NPR3: variants seen among roughly 807,000 people sequenced by gnomAD.
The protein encoded by NPR3 is atrial natriuretic peptide receptor 3.
Under a neutral mutation model 54.5 loss-of-function variants are expected in NPR3, and 34 were observed. The ratio of observed to expected loss-of-function variants is 0.62; its 90% confidence interval spans 0.47 to 0.83. NPR3 has a LOEUF of 0.83. Ranked by LOEUF, NPR3 falls within the 40% of genes least tolerant of loss-of-function variation. The pLI is 0.00. For synonymous variants in NPR3, 289 were observed against 297.1 expected (o/e 0.97, Z 0.28); for missense variants, 674 against 720.8 (o/e 0.94, Z 0.74).
intron 3 of NPR3, among the ~76,000 whole-genome samples, chr5:32,769,695 C>T (rs990482710): frequency 2.0e-5 from 3 of 152,204 alleles, no homozygotes; most frequent in East Asian, 1.9e-4. Flanking sequence ...CCAGGACAGC[C>T]TAGCTAAGCA....
At chr5:32,778,743 C>T (rs756733748) in intron 4 of NPR3, among the ~76,000 whole-genome samples, 8 of 152,192 alleles carry the variant, frequency 5.3e-5, no homozygotes, top group South Asian at 2.1e-4. Flanking sequence ...TAATTGGCCA[C>T]GCTGAGGATT....
chr5:32,691,562 C>T (rs1740388819), intron 1 of NPR3, among the ~76,000 whole-genome samples: 1 of 152,218 alleles, frequency 6.6e-6, no homozygotes, highest in South Asian at 2.1e-4. Context: ...AATGAAGACA[C>T]ACCTGAAAGG....
At chr5:32,771,487 C>T (rs1741758454) in intron 3 of NPR3, among the ~76,000 whole-genome samples, 1 of 152,214 alleles carries the variant, frequency 6.6e-6, no homozygotes, top group Admixed American at 6.5e-5. Flanking sequence ...CGTAATCTTT[C>T]TTCCTATCCT....
chr5:32,753,074 A>G (rs1354266988), intron 3 of NPR3, among the ~76,000 whole-genome samples: 2 of 152,226 alleles, frequency 1.3e-5, no homozygotes, highest in Non-Finnish European at 2.9e-5. Flanking sequence ...CAAAAATACT[A>G]TTGAAGTGGT....
chr5:32,762,798 G>A (rs1022962207), intron 3 of NPR3, among the ~76,000 whole-genome samples: 4 of 152,130 alleles, frequency 2.6e-5, no homozygotes, highest in Non-Finnish European at 5.9e-5. Context: ...TCACTCTGAT[G>A]ATAGTTTCTT....
chr5:32,713,307 T>C, intron 1 of NPR3: 4 of 985,414 alleles, frequency 4.1e-6, no homozygotes, highest in Non-Finnish European at 4.8e-6. Flanking sequence ...CCCCAAGTTT[T>C]CTCCATGGGT....
chr5:32,757,067 G>T (rs1740883566), intron 3 of NPR3, among the ~76,000 whole-genome samples: 1 of 152,184 alleles, frequency 6.6e-6, no homozygotes, highest in African/African-American at 2.4e-5. Context: ...TTTTGGCTTA[G>T]GATTGTGTTG....
chr5:32,716,695 GT>G (rs1277595777), intron 1 of NPR3: 1 of 161,782 alleles, frequency 6.2e-6, no homozygotes, highest in Non-Finnish European at 1.3e-5. Context: ...GATATTTAAG[GT>G]TAAGTCACAT....
intron 2 of NPR3, among the ~76,000 whole-genome samples, chr5:32,733,748 A>G (rs375557771): frequency 2.0e-5 from 3 of 152,382 alleles, no homozygotes; most frequent in South Asian, 4.1e-4. Context: ...TTCATCAATC[A>G]TAACAGCTGC....
At chr5:32,736,250 A>AAAG (rs767552667) in intron 2 of NPR3, among the ~76,000 whole-genome samples, 5,294 of 127,662 alleles carry the variant, frequency 0.041, 106 homozygotes, top group Non-Finnish European at 0.056. Context: ...AAAAAAAAAG[A>AAAG]AAAAAAAAAG....
chr5:32,721,718 G>T (rs1191816177), intron 1 of NPR3, among the ~76,000 whole-genome samples: 1 of 152,176 alleles, frequency 6.6e-6, no homozygotes, highest in Non-Finnish European at 1.5e-5. Flanking sequence ...AGGACTTGGT[G>T]GTGGTGGGGT....
At chr5:32,731,675 G>C (rs911546248) in intron 2 of NPR3, among the ~76,000 whole-genome samples, 1 of 152,016 alleles carries the variant, frequency 6.6e-6, no homozygotes, top group Non-Finnish European at 1.5e-5. Flanking sequence ...TGTGGTGTTA[G>C]GTTTATAGAT....
At chr5:32,752,002 G>T (rs1740602316) in intron 3 of NPR3, among the ~76,000 whole-genome samples, 1 of 152,112 alleles carries the variant, frequency 6.6e-6, no homozygotes, top group South Asian at 2.1e-4. Flanking sequence ...GGGAGTTCAA[G>T]ACCAGCCTGG....
At chr5:32,774,591 C>T (rs995625352) in intron 3 of NPR3, 117 bp from the exon 4 acceptor site, 1 of 768,464 alleles carries the variant, frequency 1.3e-6, no homozygotes, top group Non-Finnish European at 2.3e-6. Context: ...CTTCTGCCCA[C>T]CTCTGCCATG....
At chr5:32,749,200 TTTTC>T (rs1740448815) in intron 3 of NPR3, among the ~76,000 whole-genome samples, 1 of 152,162 alleles carries the variant, frequency 6.6e-6, no homozygotes, top group Admixed American at 6.5e-5. Flanking sequence ...AGTAGAATTT[TTTTC>T]TTTCTAAGGG....
At chr5:32,780,092 G>A (rs972208305) in intron 4 of NPR3, among the ~76,000 whole-genome samples, 1 of 152,202 alleles carries the variant, frequency 6.6e-6, no homozygotes, top group African/African-American at 2.4e-5. Context: ...AGCAGAGAAT[G>A]TGTTCAATTT....
intron 3 of NPR3, among the ~76,000 whole-genome samples, chr5:32,745,312 T>G (rs979272056): frequency 2.6e-5 from 4 of 152,162 alleles, no homozygotes; most frequent in African/African-American, 9.7e-5. Context: ...TCAGTGGGGC[T>G]CTAGGTATGG....
chr5:32,766,666 A>G (rs1463588323), intron 3 of NPR3, among the ~76,000 whole-genome samples: 2 of 152,134 alleles, frequency 1.3e-5, no homozygotes, highest in African/African-American at 4.8e-5. Context: ...TATTACTGTA[A>G]TTATCACTCC....
intron 3 of NPR3, among the ~76,000 whole-genome samples, chr5:32,750,327 G>C (rs1486011861): frequency 2.0e-5 from 3 of 152,014 alleles, no homozygotes; most frequent in Non-Finnish European, 4.4e-5. Flanking sequence ...GTAGAGACAG[G>C]GTTTCACCAT....
Sources: gnomAD v4.1 joint callset for allele counts (sites outside exome capture counted in the v4.1 genomes callset) on GRCh38, gnomAD v4.1.1 for gene constraint, MANE v1.5 for transcripts, NCBI Gene and HGNC (gene_info 2026-07-23, HGNC 2026-07-21) for gene names.